STAT3: variants seen among roughly 807,000 people sequenced by gnomAD.
STAT3 encodes DNA-binding protein APRF.
STAT3 carries 7 observed loss-of-function variants against 114.3 expected under a neutral mutation model. That is an observed-to-expected ratio of 0.06 (90% CI 0.03 to 0.11). The LOEUF (loss-of-function observed/expected upper bound fraction) is 0.11, where lower values mean the gene tolerates loss of function less well. Among genes scored for constraint, STAT3 ranks in the 10% least tolerant of loss-of-function variants. The probability of loss-of-function intolerance (pLI) is 1.00; values close to 1 mark genes in which losing one functional copy is unlikely to be tolerated. For missense variants in STAT3, 364 were observed against 960.9 expected, an observed-to-expected ratio of 0.38 and a Z score of 8.21; for synonymous variants, 331 against 354.5, an observed-to-expected ratio of 0.93 and a Z score of 0.74.
chr17:42,322,358 A>C lies in STAT3; in HGVS notation c.2025T>G (p.Pro675=). ...CGAATGCCTCCTCCTTGGGAATGTC[A>C]GGATAGAGATAGACCAGTGGAGACA... The part of the protein sequence containing the change: ...ILVSPLVYLY[P]DIPKEEAFGK... Residue 675 remains proline (P), a synonymous_variant, in exon 21 of 24, where the codon CCT becomes CCG. Transcript: ENST00000264657. The C allele has an allele frequency of 1.2e-6, 2 of 1,614,218 alleles. No individual in the cohort carries two copies. Among genetic ancestry groups the C allele is most frequent in the Non-Finnish European group, 1.7e-6 (2 of 1,180,052 alleles).
chr17:42,376,718 C>T (rs113382582), intron 1 of STAT3, among the ~76,000 whole-genome samples: 9,289 of 151,712 alleles, frequency 0.061, 346 homozygotes, highest in Non-Finnish European at 0.074. Flanking sequence ...TTGTGACGGG[C>T]GCCTGTAGTC....
chr17:42,378,789 T>C (rs2084616661), intron 1 of STAT3, among the ~76,000 whole-genome samples: 1 of 152,112 alleles, frequency 6.6e-6, no homozygotes, highest in Non-Finnish European at 1.5e-5. Flanking sequence ...AACATTTGGG[T>C]TTTCAAGATT....
In STAT3 at chr17:42,323,344, G is replaced by A. The variant is rs754677708; in HGVS notation, c.1664C>T (p.Ala555Val). 6.2e-7 allele frequency: 1 copy of A among 1,614,164 alleles called. No homozygotes were observed. The highest frequency in any genetic ancestry group is 1.7e-5 in the Admixed American group (1 of 60,026). Residue 555 changes from alanine (A) to valine (V), a missense_variant, in exon 19 of 24, where the codon GCT (alanine) becomes GTT (valine). Transcript: ENST00000264657. ...GACCCAGAAGGAGAAGCCCTTGCCA[G>A]CCATGTTTTCCTGGAGAAAAGAGTA... ...TWAKFCKENM[A>V]GKGFSFWVWL...
At chr17:42,353,918 G>T (rs1230297568) in intron 1 of STAT3, among the ~76,000 whole-genome samples, 1 of 152,074 alleles carries the variant, frequency 6.6e-6, no homozygotes, top group Non-Finnish European at 1.5e-5. Flanking sequence ...AAATGCAGAG[G>T]CATCACAGTC....
intron 1 of STAT3, among the ~76,000 whole-genome samples, chr17:42,384,948 C>A (rs2085013855): frequency 6.6e-6 from 1 of 152,196 alleles, no homozygotes; most frequent in Non-Finnish European, 1.5e-5. Flanking sequence ...CTCATAACCT[C>A]TCCTTTCTCT....
At chr17:42,378,218 T>G (rs188331405) in intron 1 of STAT3, among the ~76,000 whole-genome samples, 3 of 151,906 alleles carry the variant, frequency 2.0e-5, no homozygotes, top group Non-Finnish European at 2.9e-5. Context: ...TGCCCCTATG[T>G]ATAAGCGTTA....
intron 21 of STAT3, among the ~76,000 whole-genome samples, chr17:42,320,803 C>T (rs938325961): frequency 8.7e-5 from 13 of 150,094 alleles, no homozygotes; most frequent in African/African-American, 3.2e-4. Context: ...GAATGGCAAA[C>T]CAGAGACTCC....
chr17:42,352,458 C>T (rs550057127), intron 1 of STAT3, among the ~76,000 whole-genome samples: 5 of 152,116 alleles, frequency 3.3e-5, no homozygotes, highest in Non-Finnish European at 7.4e-5. Context: ...CAGTGGCTGA[C>T]GTGCATACTA....
At chr17:42,319,369 C>T (rs1233059288) in intron 21 of STAT3, among the ~76,000 whole-genome samples, 2 of 151,506 alleles carry the variant, frequency 1.3e-5, no homozygotes, top group Middle Eastern at 3.4e-3. Flanking sequence ...GGGTGAAACC[C>T]GGTCTCTACT....
At chr17:42,377,661 A>T (rs2084543758) in intron 1 of STAT3, among the ~76,000 whole-genome samples, 1 of 152,166 alleles carries the variant, frequency 6.6e-6, no homozygotes, top group Non-Finnish European at 1.5e-5. Flanking sequence ...GTACTGATTC[A>T]TTTCAAAATT....
chr17:42,356,942 C>T (rs1201687734), intron 1 of STAT3, among the ~76,000 whole-genome samples: 2 of 152,124 alleles, frequency 1.3e-5, no homozygotes, highest in African/African-American at 2.4e-5. Context: ...CATGCGCCAT[C>T]ATACCCGGCT....
intron 1 of STAT3, among the ~76,000 whole-genome samples, chr17:42,358,990 G>A (rs183388709): frequency 3.6e-5 from 5 of 140,040 alleles, no homozygotes; most frequent in East Asian, 4.2e-4. Flanking sequence ...GCTGGAATGC[G>A]GTGGGCACAA....
At position 42,337,212 on chromosome 17, in the gene STAT3, C is replaced by T. The variant is rs182707871; in HGVS notation, c.797+223G>A. On this transcript the variant is annotated intron_variant, in intron 8 of 23. Coordinates refer to ENST00000264657, the MANE Select transcript of STAT3 (RefSeq NM_139276.3). This position sits in a 1 kb window ranked among gnomAD's most constrained non-coding sequence, Gnocchi z 4.0. ...GGCCAGGCTGGTCTCAAACTCCTGA[C>T]CTCAAGTGATCCGCCCATCTTGGTC... is the stretch of plus-strand genomic sequence containing the variant. 6.6e-6 allele frequency among the ~76,000 whole-genome samples: 1 copy of T among 152,250 alleles called. No individual in the cohort carries two copies. The highest frequency in any genetic ancestry group is 2.4e-5 in the African/African-American group (1 of 41,546).
intron 21 of STAT3, among the ~76,000 whole-genome samples, chr17:42,320,551 G>A (rs894751331): frequency 3.3e-5 from 5 of 151,886 alleles, no homozygotes; most frequent in Non-Finnish European, 4.4e-5. Context: ...CCAACATGGC[G>A]AAACCCTTTC....
At position 42,337,846 on chromosome 17, in the gene STAT3, G is replaced by T. The variant is rs749529243; in HGVS notation, c.562C>A (p.Leu188Met). The change falls in exon 7 of 24, where the codon CTG becomes ATG. Residue 188 changes from leucine to methionine, a missense_variant. This residue lies in a region of STAT3 where 294 missense variants were observed against 745.1 expected (regional missense o/e 0.39). Coordinates refer to ENST00000264657, the MANE Select transcript of STAT3 (RefSeq NM_139276.3). This position sits in a 1 kb window ranked among gnomAD's most constrained non-coding sequence, Gnocchi z 4.0. ...GTCACTGACTGGTTGTTTCCATTCA[G>T]ATCTTGCATGTCTGCGAAGGAAGAA... ...TLKSQGDMQD[L>M]NGNNQSVTRQ... The T allele has an allele frequency of 4.3e-5, 69 of 1,613,796 alleles. No homozygotes were observed. Among genetic ancestry groups the T allele is most frequent in the Admixed American group, 3.3e-4 (20 of 59,972 alleles).
At chr17:42,331,387 G>A (rs1598410001) in intron 11 of STAT3, 85 bp downstream of exon 11, 3 of 1,218,400 alleles carry the variant, frequency 2.5e-6, no homozygotes, top group African/African-American at 1.5e-5. Context: ...AATAAAGACA[G>A]AGTCTCTAGT....
intron 1 of STAT3, among the ~76,000 whole-genome samples, chr17:42,366,756 T>A (rs930891964): frequency 1.3e-5 from 2 of 150,400 alleles, no homozygotes; most frequent in Non-Finnish European, 3.0e-5. Flanking sequence ...CACCAGCATC[T>A]CTTACCTAGA....
chr17:42,355,893 A>G (rs1198372522), intron 1 of STAT3, among the ~76,000 whole-genome samples: 1 of 152,226 alleles, frequency 6.6e-6, no homozygotes, highest in Non-Finnish European at 1.5e-5. Context: ...AACGAGGGTG[A>G]GGGAAGGCGG....
intron 2 of STAT3, among the ~76,000 whole-genome samples, chr17:42,347,145 C>T (rs1316432799): frequency 2.1e-5 from 3 of 143,858 alleles, no homozygotes; most frequent in Non-Finnish European, 4.5e-5. Context: ...CGAGACTGTA[C>T]CACTGCACTC....
Sources: allele counts gnomAD v4.1 joint callset (sites outside exome capture counted in the v4.1 genomes callset), GRCh38; gene constraint gnomAD v4.1.1; regional missense constraint gnomAD v4.1.1; non-coding constraint Gnocchi (gnomAD v3.1); transcripts MANE v1.5; gene names NCBI Gene and HGNC (gene_info 2026-07-23, HGNC 2026-07-21).